Variants in MAGI2 observed in about 807,000 individuals in gnomAD.
MAGI2 encodes the protein membrane-associated guanylate kinase, WW and PDZ domain-containing protein 2.
Under a neutral mutation model 133.3 loss-of-function variants are expected in MAGI2, and 35 were observed. The observed-to-expected ratio is 0.26, with a 90% CI of 0.20 to 0.35. The LOEUF (loss-of-function observed/expected upper bound fraction) is 0.35. Among genes scored for constraint, MAGI2 ranks in the 10% least tolerant of loss-of-function variants. The probability of loss-of-function intolerance (pLI) is 1.00; values close to 1 mark genes in which losing one functional copy is unlikely to be tolerated. For synonymous variants in MAGI2, 729 were observed against 710.6 expected, an observed-to-expected ratio of 1.03 and a Z score of -0.41; for missense variants, 1,636 against 1,863.4, an observed-to-expected ratio of 0.88 and a Z score of 2.25.
chr7:78,510,756 T>G (rs1795493761), intron 4 of MAGI2, among the ~76,000 whole-genome samples: 1 of 152,194 alleles, frequency 6.6e-6, no homozygotes. Context: ...GTTCTGCATT[T>G]GCTTTTGTTG....
At position 78,049,790 on chromosome 7, in the gene MAGI2, C is replaced by T. The variant is rs186997025; in HGVS notation, c.3706+29157G>A. Reference sequence around the variant, plus strand: ...AGTATACCTGGCAGAGCAAAACCATCGATGCAATGATTCTTTTAAAACATT... The same window carrying T: ...AGTATACCTGGCAGAGCAAAACCATTGATGCAATGATTCTTTTAAAACATT... On this transcript the variant is annotated intron_variant, in intron 21 of 21. Transcript: ENST00000354212. Among the ~76,000 whole-genome samples the T allele has an allele frequency of 5.9e-3, 900 of 152,248 alleles. 34 individuals are homozygous for T. Among genetic ancestry groups the T allele is most frequent in the Admixed American group, 0.053 (810 of 15,280 alleles).
chr7:78,741,867 C>A lies in MAGI2; in HGVS notation c.419-114628G>T, dbSNP rs9969374. 2.5e-3 allele frequency among the ~76,000 whole-genome samples: 376 copies of A among 152,148 alleles called. 1 individual carries two copies. The highest frequency in any genetic ancestry group is 8.7e-3 in the African/African-American group (360 of 41,530). ...AATGCACTTATAAACACAAAACTAT[C>A]ATCCATAGATAATCTGTTACTTGCC... On this transcript the variant is annotated intron_variant, in intron 2 of 21. Transcript: ENST00000354212.
At chr7:78,022,245 A>G (rs1489503558) in intron 21 of MAGI2, among the ~76,000 whole-genome samples, 2 of 152,228 alleles carry the variant, frequency 1.3e-5, no homozygotes, top group Non-Finnish European at 2.9e-5. Flanking sequence ...TAGAAGAGTT[A>G]AAAAGTGGTC....
intron 1 of MAGI2, among the ~76,000 whole-genome samples, chr7:79,402,956 G>C (rs888610019): frequency 3.3e-5 from 5 of 152,134 alleles, no homozygotes; most frequent in African/African-American, 1.2e-4. Flanking sequence ...TAGGTACCCT[G>C]TTCCTCAGTT....
At chr7:78,656,070 C>T (rs1187731331) in intron 2 of MAGI2, among the ~76,000 whole-genome samples, 3 of 149,378 alleles carry the variant, frequency 2.0e-5, no homozygotes, top group African/African-American at 7.4e-5. Context: ...CCCCATTAAA[C>T]TATACATCAA....
intron 9 of MAGI2, among the ~76,000 whole-genome samples, chr7:78,270,478 A>AT (rs1794456503): frequency 6.6e-6 from 1 of 152,108 alleles, no homozygotes; most frequent in Non-Finnish European, 1.5e-5. Context: ...GGTCCTTCAC[A>AT]TCCCTTGTAA....
At chr7:79,229,249 C>G (rs929062901) in intron 1 of MAGI2, among the ~76,000 whole-genome samples, 4 of 151,998 alleles carry the variant, frequency 2.6e-5, no homozygotes, top group Non-Finnish European at 4.4e-5. Context: ...CGTGATATCT[C>G]ACATATCTTT....
chr7:79,267,476 G>T (rs1282838600), intron 1 of MAGI2, among the ~76,000 whole-genome samples: 1 of 152,208 alleles, frequency 6.6e-6, no homozygotes, highest in Admixed American at 6.5e-5. Flanking sequence ...AAGAGAGGTA[G>T]AACAGTGCCA....
At chr7:78,500,301 A>G (rs1794504959) in intron 5 of MAGI2, among the ~76,000 whole-genome samples, 1 of 152,222 alleles carries the variant, frequency 6.6e-6, no homozygotes, top group Non-Finnish European at 1.5e-5. Flanking sequence ...ATCCAGTGTT[A>G]ATGTATTTCT....
At chr7:78,355,285 G>A (rs1451520379) in intron 7 of MAGI2, among the ~76,000 whole-genome samples, 2 of 152,094 alleles carry the variant, frequency 1.3e-5, no homozygotes, top group Non-Finnish European at 2.9e-5. Flanking sequence ...GTGTGATGTT[G>A]GATATTTCTG....
At position 78,555,223 on chromosome 7, in the gene MAGI2, C is replaced by CAGAT. The variant is rs71085539; in HGVS notation, c.539-33582_539-33579dup. 1.7e-3 allele frequency among the ~76,000 whole-genome samples: 229 copies of CAGAT among 136,056 alleles called. 1 individual carries two copies. The East Asian group carries it at 0.037, about 22-fold the overall frequency. 89.3% of individuals were successfully genotyped at this position (136,056 alleles called of 152,430 possible). A position where few individuals can be genotyped will look rare whatever the true frequency, so the allele number is the denominator to read the frequency against. ...ATGGATAGATAGATAGATAGATAGA[C>CAGAT]AGATAGATAGATAGATAGATAGATA... On this transcript the variant is annotated intron_variant, in intron 3 of 21. Transcript: ENST00000354212.
chr7:78,966,423 T>C (rs769912705), intron 2 of MAGI2, among the ~76,000 whole-genome samples: 6 of 152,114 alleles, frequency 3.9e-5, no homozygotes, highest in Admixed American at 6.6e-5. Context: ...AGTGAAATCA[T>C]GCAGCATTTG....
At chr7:78,895,469 A>G (rs1393905810) in intron 2 of MAGI2, among the ~76,000 whole-genome samples, 1 of 152,184 alleles carries the variant, frequency 6.6e-6, no homozygotes, top group Non-Finnish European at 1.5e-5. Flanking sequence ...GAAGAACTCA[A>G]ACTAGGGCAC....
At chr7:78,138,377 A>G (rs188483459) in intron 16 of MAGI2, among the ~76,000 whole-genome samples, 20 of 152,294 alleles carry the variant, frequency 1.3e-4, no homozygotes, top group African/African-American at 4.8e-4. Flanking sequence ...AGGAGAGGAA[A>G]TTGGACAGCT....
chr7:78,554,886 C>T (rs1158231901), intron 3 of MAGI2, among the ~76,000 whole-genome samples: 11 of 152,064 alleles, frequency 7.2e-5, no homozygotes, highest in Admixed American at 7.2e-4. Flanking sequence ...TGGGTAATCC[C>T]AGCACTTTGG....
intron 18 of MAGI2, among the ~76,000 whole-genome samples, chr7:78,130,921 T>C (rs1314893772): frequency 6.6e-6 from 1 of 152,166 alleles, no homozygotes; most frequent in African/African-American, 2.4e-5. Context: ...AGATGGGACA[T>C]GACAGTGGCT....
intron 3 of MAGI2, among the ~76,000 whole-genome samples, chr7:78,567,522 T>C (rs1481753544): frequency 1.3e-5 from 2 of 152,134 alleles, no homozygotes; most frequent in Non-Finnish European, 2.9e-5. Flanking sequence ...GTAGGATACA[T>C]AGATGTAGAG....
chr7:78,451,543 T>C (rs1788725729), intron 6 of MAGI2, among the ~76,000 whole-genome samples: 1 of 152,078 alleles, frequency 6.6e-6, no homozygotes, highest in Admixed American at 6.6e-5. Context: ...TGCCTGCCTC[T>C]TTGGATTTGA....
At chr7:78,223,004 T>C (rs1451714740) in intron 10 of MAGI2, among the ~76,000 whole-genome samples, 1 of 152,042 alleles carries the variant, frequency 6.6e-6, no homozygotes, top group East Asian at 1.9e-4. Flanking sequence ...TCATGAAACA[T>C]GGTTATGGGG....
Sources: allele counts gnomAD v4.1 joint callset (sites outside exome capture counted in the v4.1 genomes callset), GRCh38; gene constraint gnomAD v4.1.1; transcripts MANE v1.5; gene names NCBI Gene and HGNC (gene_info 2026-07-23, HGNC 2026-07-21).